The following EPHA6 variants were observed in gnomAD, a reference collection of about 807,000 sequenced individuals.
EPHA6 encodes the protein EPH receptor A6, also known as ephrin type-A receptor 6.
Under a neutral mutation model 112.0 loss-of-function variants are expected in EPHA6, and 50 were observed. That is an observed-to-expected ratio of 0.45 (90% confidence interval 0.36 to 0.56). The LOEUF is 0.56. EPHA6 is among the 20% of genes least tolerant of loss of function. EPHA6 has a pLI of 0.00. For missense variants in EPHA6, 1,280 were observed against 1,417.4 expected (o/e 0.90, Z 1.56); for synonymous variants, 529 against 490.7 (o/e 1.08, Z -1.03).
At chr3:97,094,073 T>C (rs962928398) in intron 3 of EPHA6, among the ~76,000 whole-genome samples, 1 of 152,126 alleles carries the variant, frequency 6.6e-6, no homozygotes, top group Non-Finnish European at 1.5e-5. Flanking sequence ...AAACCTATAC[T>C]AGTCACAATA....
intron 2 of EPHA6, among the ~76,000 whole-genome samples, chr3:96,913,849 C>T (rs1202474453): frequency 2.0e-5 from 3 of 152,074 alleles, no homozygotes; most frequent in African/African-American, 7.2e-5. Flanking sequence ...CTCATTGTTT[C>T]CTTTCTGAAT....
intron 14 of EPHA6, among the ~76,000 whole-genome samples, chr3:97,691,559 A>G (rs1477697612): frequency 6.6e-6 from 1 of 152,178 alleles, no homozygotes; most frequent in Non-Finnish European, 1.5e-5. Context: ...TGGTTAGGGA[A>G]AGGGTTACTG....
At chr3:97,580,969 A>G (rs758886730) in intron 11 of EPHA6, among the ~76,000 whole-genome samples, 7 of 152,208 alleles carry the variant, frequency 4.6e-5, no homozygotes, top group Non-Finnish European at 8.8e-5. Flanking sequence ...GCTGGCTCCT[A>G]TACAGGAGAG....
At chr3:97,739,012 G>A (rs966203690) in intron 16 of EPHA6, among the ~76,000 whole-genome samples, 1 of 151,998 alleles carries the variant, frequency 6.6e-6, no homozygotes, top group African/African-American at 2.4e-5. Flanking sequence ...AGAGAACTGA[G>A]ACTGTTTAGG....
At chr3:97,596,795 T>C (rs1424727349) in intron 12 of EPHA6, among the ~76,000 whole-genome samples, 1 of 143,020 alleles carries the variant, frequency 7.0e-6, no homozygotes, top group Non-Finnish European at 1.5e-5. Flanking sequence ...TATATATATA[T>C]ATATATATAT....
intron 3 of EPHA6, among the ~76,000 whole-genome samples, chr3:97,027,015 A>G (rs1235403447): frequency 1.3e-5 from 2 of 152,208 alleles, no homozygotes; most frequent in East Asian, 3.9e-4. Flanking sequence ...ACTGTTCACA[A>G]TAGCAAAGAC....
At chr3:97,501,037 C>T (rs2092104595) in intron 10 of EPHA6, among the ~76,000 whole-genome samples, 1 of 152,090 alleles carries the variant, frequency 6.6e-6, no homozygotes, top group South Asian at 2.1e-4. Context: ...TTTGGGATAA[C>T]AGTTCTGGAC....
At chr3:96,961,456 T>C (rs1249543875) in intron 2 of EPHA6, among the ~76,000 whole-genome samples, 1 of 152,234 alleles carries the variant, frequency 6.6e-6, no homozygotes, top group Non-Finnish European at 1.5e-5. Flanking sequence ...GATGCTATTA[T>C]GAAAGCTTTG....
chr3:97,462,091 G>A (rs1202322109), intron 7 of EPHA6, among the ~76,000 whole-genome samples: 1 of 152,186 alleles, frequency 6.6e-6, no homozygotes, highest in African/African-American at 2.4e-5. Context: ...TGGACTATCT[G>A]TAAGTAAATT....
chr3:97,086,863 A>G (rs929549013), intron 3 of EPHA6, among the ~76,000 whole-genome samples: 3 of 152,166 alleles, frequency 2.0e-5, no homozygotes, highest in African/African-American at 4.8e-5. Flanking sequence ...TAGATTTTTT[A>G]AAAGTTTTTT....
intron 1 of EPHA6, among the ~76,000 whole-genome samples, chr3:96,822,489 A>G (rs1376062990): frequency 7.2e-5 from 11 of 151,788 alleles, no homozygotes. Context: ...GATGTAATTG[A>G]CAACTCATTA....
At chr3:97,454,331 A>T (rs927251899) in intron 7 of EPHA6, among the ~76,000 whole-genome samples, 2 of 151,860 alleles carry the variant, frequency 1.3e-5, no homozygotes, top group African/African-American at 4.8e-5. Context: ...TTTTACACAT[A>T]GTTAGGTTCC....
intron 10 of EPHA6, among the ~76,000 whole-genome samples, chr3:97,514,386 G>A (rs1028131395): frequency 3.0e-4 from 46 of 152,128 alleles, no homozygotes; most frequent in African/African-American, 1.0e-3. Context: ...TTGTGAGTAC[G>A]CTGAACCTAC....
rs1576404814 is a variant in EPHA6, at chr3:97,752,801, A to T, written c.*4100A>T. On this transcript the variant is annotated 3_prime_UTR_variant, in exon 18 of 18. Coordinates refer to ENST00000389672, the MANE Select transcript of EPHA6 (RefSeq NM_001080448.3). ...GTTTATTATTAATATTTTAAAAATT[A>T]GTATTTTAAGATCAATATCTGTTAT... 6.6e-6 allele frequency among the ~76,000 whole-genome samples: 1 copy of T among 152,074 alleles called. No homozygotes were observed. The highest frequency in any genetic ancestry group is 2.4e-5 in the African/African-American group (1 of 41,444).
chr3:97,474,095 T>C (rs1029182885), intron 7 of EPHA6, among the ~76,000 whole-genome samples: 2 of 151,880 alleles, frequency 1.3e-5, no homozygotes, highest in African/African-American at 4.8e-5. Context: ...CATTCTGTTG[T>C]AGATATGTCA....
chr3:96,974,775 G>A (rs2042455802), intron 2 of EPHA6, among the ~76,000 whole-genome samples: 1 of 152,110 alleles, frequency 6.6e-6, no homozygotes, highest in Non-Finnish European at 1.5e-5. Context: ...GGTTAAGCAA[G>A]AATCAGCTGT....
chr3:97,710,230 T>A (rs1306246490), intron 14 of EPHA6, among the ~76,000 whole-genome samples: 1 of 152,194 alleles, frequency 6.6e-6, no homozygotes, highest in Non-Finnish European at 1.5e-5. Context: ...CTATTGAGTG[T>A]ACTTCTGACT....
At chr3:97,154,693 A>G (rs574077583) in intron 3 of EPHA6, among the ~76,000 whole-genome samples, 1 of 152,272 alleles carries the variant, frequency 6.6e-6, no homozygotes, top group African/African-American at 2.4e-5. Flanking sequence ...TACAACATTG[A>G]CTACTATTAT....
intron 5 of EPHA6, among the ~76,000 whole-genome samples, chr3:97,385,353 T>C (rs936492038): frequency 2.6e-5 from 4 of 152,150 alleles, no homozygotes; most frequent in Non-Finnish European, 2.9e-5. Context: ...TAACATTAAA[T>C]GCATATCAAG....
Sources: allele counts gnomAD v4.1 joint callset (sites outside exome capture counted in the v4.1 genomes callset), GRCh38; gene constraint gnomAD v4.1.1; transcripts MANE v1.5; gene names NCBI Gene and HGNC (gene_info 2026-07-23, HGNC 2026-07-21).